Variants in RPRD2 observed in about 807,000 individuals in gnomAD.
RPRD2 encodes the protein regulation of nuclear pre-mRNA domain-containing protein 2.
RPRD2 carries 12 observed loss-of-function variants against 104.4 expected under a neutral mutation model. The ratio of observed to expected loss-of-function variants is 0.11; its 90% CI spans 0.07 to 0.19. RPRD2 has a LOEUF of 0.19. Ranked by LOEUF, RPRD2 falls within the 10% of genes least tolerant of loss-of-function variation. The pLI, the probability that RPRD2 is intolerant of heterozygous loss-of-function variation, is 1.00. For missense variants in RPRD2, 1,543 were observed against 1,790.1 expected (o/e 0.86, Z 2.49); for synonymous variants, 714 against 684.9 (o/e 1.04, Z -0.66).
intron 1 of RPRD2, among the ~76,000 whole-genome samples, chr1:150,402,051 C>T (rs1553885541): frequency 1.3e-5 from 2 of 151,564 alleles, no homozygotes; most frequent in African/African-American, 4.9e-5. Context: ...CCTCTGCTTC[C>T]CGGGTTCAAG....
intron 9 of RPRD2, among the ~76,000 whole-genome samples, chr1:150,461,227 CTAAAT>C (rs1202626951): frequency 6.6e-6 from 1 of 150,962 alleles, no homozygotes; most frequent in Non-Finnish European, 1.5e-5. Flanking sequence ...GACCCTATCT[CTAAAT>C]AAAAAATTTT....
chr1:150,424,757 C>G (rs782408684), intron 2 of RPRD2, among the ~76,000 whole-genome samples: 6 of 152,146 alleles, frequency 3.9e-5, no homozygotes, highest in Non-Finnish European at 8.8e-5. Context: ...CCTAATCTAA[C>G]TTACAATTTT....
At position 150,471,033 on chromosome 1, in the gene RPRD2, G is replaced by A. The variant is rs984050608; in HGVS notation, c.2085G>A (p.Leu695=). ...LNLNIPILSS[L]GSSAPSESHP... is the part of the protein sequence containing the mutation. ...TAAACATCCCAATCCTGAGCAGTTTGGGGTCCAGCGCCCCATCAGAGAGCC... is the reference window on the plus strand; with the variant it reads ...TAAACATCCCAATCCTGAGCAGTTTAGGGTCCAGCGCCCCATCAGAGAGCC... Residue 695 remains leucine (L), a synonymous_variant, in exon 11 of 11, where the codon TTG becomes TTA. Transcript: ENST00000369068. The surrounding 1 kb of genome is among the most constrained non-coding windows in gnomAD (Gnocchi z 5.3). 7 of 1,613,852 alleles carry A rather than the reference G, an allele frequency of 4.3e-6. No homozygotes were observed. The highest frequency in any genetic ancestry group is 5.9e-6 in the Non-Finnish European group (7 of 1,179,896).
chr1:150,379,715 T>C (rs1660988963), intron 1 of RPRD2, among the ~76,000 whole-genome samples: 1 of 152,212 alleles, frequency 6.6e-6, no homozygotes, highest in Admixed American at 6.5e-5. Flanking sequence ...TTTTGTATTT[T>C]TAGTAGAGAT....
intron 3 of RPRD2, 66 bp from the exon 4 acceptor site, chr1:150,441,815 C>T: frequency 9.4e-7 from 1 of 1,062,102 alleles, no homozygotes; most frequent in Non-Finnish European, 1.4e-6. Context: ...GCAACTTTGG[C>T]ACTGAAGTGG....
In RPRD2 at chr1:150,457,479, G is replaced by A. The variant is rs1553897864; in HGVS notation, c.1062G>A (p.Glu354=). ...CCCAGTCACCAACCATGGAGAGTGA[G>A]AAATCTGCCACACCTGAACCTGTGA... ...EESQSPTMES[E]KSATPEPVTD... is the part of the protein sequence containing the mutation. Residue 354 remains glutamate (E), a synonymous_variant, in exon 8 of 11, where the codon GAG becomes GAA. Transcript: ENST00000369068. 11 of 1,613,848 alleles carry A rather than the reference G, an allele frequency of 6.8e-6. No individual in the cohort carries two copies. The highest frequency in any genetic ancestry group is 1.6e-4 in the Middle Eastern group (1 of 6,062).
intron 1 of RPRD2, among the ~76,000 whole-genome samples, chr1:150,413,199 GT>G (rs1402677229): frequency 6.6e-6 from 1 of 152,008 alleles, no homozygotes; most frequent in Non-Finnish European, 1.5e-5. Flanking sequence ...ATTGGCTAGA[GT>G]TTGGAGATTT....
intron 1 of RPRD2, among the ~76,000 whole-genome samples, chr1:150,414,403 C>G (rs1329459794): frequency 6.6e-6 from 1 of 152,000 alleles, no homozygotes; most frequent in Non-Finnish European, 1.5e-5. Context: ...AGTGACAGAG[C>G]CAGAAATGGA....
At chr1:150,368,459 ATT>A (rs34949625) in intron 1 of RPRD2, among the ~76,000 whole-genome samples, 4,666 of 103,660 alleles carry the variant, frequency 0.045, 107 homozygotes, top group Non-Finnish European at 0.069. Context: ...AGCCCAGCTA[ATT>A]TTTTTTTTTT....
Position 150,472,253 on chromosome 1 carries a change from C to T in RPRD2, c.3305C>T (p.Pro1102Leu), listed in dbSNP as rs369753923. Residue 1102 changes from proline to leucine, a missense_variant, in exon 11 of 11, where the codon CCG becomes CTG. By Grantham distance (98) the Pro-to-Leu change is moderately conservative. Transcript: ENST00000369068. ...TCCAATAGGAGGATGTCAGGGGAGCCGATCCAGACCGTAGAGTCCATCCGA... is the reference window on the plus strand; with the variant it reads ...TCCAATAGGAGGATGTCAGGGGAGCTGATCCAGACCGTAGAGTCCATCCGA... ...SASNRRMSGE[P>L]IQTVESIRVP... 21 of 1,613,688 alleles carry T rather than the reference C, an allele frequency of 1.3e-5. No individual in the cohort carries two copies. The South Asian group carries it at 1.9e-4, about 14-fold the overall frequency.
chr1:150,444,456 C>T, intron 6 of RPRD2, 79 bp downstream of exon 6: 1 of 1,420,132 alleles, frequency 7.0e-7, no homozygotes, highest in Non-Finnish European at 9.6e-7. Context: ...ACTGGTTTAC[C>T]TCATAAGGAG....
intron 7 of RPRD2, among the ~76,000 whole-genome samples, chr1:150,448,914 G>GT (rs1666977157): frequency 6.6e-6 from 1 of 151,992 alleles, no homozygotes; most frequent in African/African-American, 2.4e-5. Context: ...GCAGTCTCAA[G>GT]TAATTTCCCA....
chr1:150,381,720 G>A (rs1484930005), intron 1 of RPRD2, among the ~76,000 whole-genome samples: 1 of 151,958 alleles, frequency 6.6e-6, no homozygotes, highest in African/African-American at 2.4e-5. Context: ...CAGCCAGGAT[G>A]GTCTCGATCT....
chr1:150,423,249 T>TA (rs1419185142), intron 2 of RPRD2, among the ~76,000 whole-genome samples: 34 of 152,326 alleles, frequency 2.2e-4, no homozygotes, highest in Admixed American at 1.5e-3. Flanking sequence ...AGAGTTGAGT[T>TA]ACACTTGGGA....
At chr1:150,443,376 C>T (rs1666535029) in intron 5 of RPRD2, 93 bp downstream of exon 5, 2 of 892,096 alleles carry the variant, frequency 2.2e-6, no homozygotes, top group Non-Finnish European at 3.5e-6. Context: ...TATCTGTATT[C>T]AATTACACAT....
At chr1:150,431,265 C>A (rs1553891634) in intron 2 of RPRD2, among the ~76,000 whole-genome samples, 1 of 151,992 alleles carries the variant, frequency 6.6e-6, no homozygotes, top group African/African-American at 2.4e-5. Flanking sequence ...CATAGAATTA[C>A]CACATGATCC....
At chr1:150,373,255 C>T (rs1207570334) in intron 1 of RPRD2, among the ~76,000 whole-genome samples, 1 of 152,066 alleles carries the variant, frequency 6.6e-6, no homozygotes, top group Non-Finnish European at 1.5e-5. Flanking sequence ...CTCAAGTGAT[C>T]CGCCCGCCTC....
At chr1:150,469,187 C>A (rs766089902) in intron 10 of RPRD2, among the ~76,000 whole-genome samples, 7 of 152,030 alleles carry the variant, frequency 4.6e-5, no homozygotes, top group African/African-American at 9.7e-5. Flanking sequence ...GAAGTATTTT[C>A]TTTAATCATA....
At chr1:150,404,436 G>A (rs1160430928) in intron 1 of RPRD2, among the ~76,000 whole-genome samples, 1 of 152,044 alleles carries the variant, frequency 6.6e-6, no homozygotes, top group African/African-American at 2.4e-5. Flanking sequence ...TTGGTAGACA[G>A]GGTTTCACCA....
Sources: gnomAD v4.1 joint callset for allele counts (sites outside exome capture counted in the v4.1 genomes callset) on GRCh38, gnomAD v4.1.1 for gene constraint, Gnocchi (gnomAD v3.1) non-coding constraint, MANE v1.5 for transcripts, NCBI Gene and HGNC (gene_info 2026-07-23, HGNC 2026-07-21) for gene names.